The following FBLN2 variants were observed in gnomAD, a reference collection of about 807,000 sequenced individuals.
The protein encoded by FBLN2 is fibulin-2.
A neutral mutation model predicts 123.7 loss-of-function variants in FBLN2; 81 were observed. The ratio of observed to expected loss-of-function variants is 0.65; its 90% CI spans 0.55 to 0.79. The LOEUF (loss-of-function observed/expected upper bound fraction) is 0.79. Ranked by LOEUF, FBLN2 falls within the 30% of genes least tolerant of loss-of-function variation. The probability of loss-of-function intolerance (pLI) is 0.00; values close to 1 mark genes in which losing one functional copy is unlikely to be tolerated. For missense variants in FBLN2, 1,603 were observed against 1,681.3 expected (o/e 0.95, Z 0.81); for synonymous variants, 699 against 701.4 (o/e 1.00, Z 0.05).
intron 1 of FBLN2, among the ~76,000 whole-genome samples, chr3:13,558,404 C>T (rs1240421085): frequency 6.6e-6 from 1 of 152,126 alleles, no homozygotes; most frequent in Admixed American, 6.5e-5. Flanking sequence ...TCTAGGATCT[C>T]AGCCCTTTGT....
Position 13,626,573 on chromosome 3 carries a change from T to C in FBLN2, c.2425T>C (p.Cys809Arg). ...EPGYALKDGE[C>R]EDVDECAMGT... The stretch of plus-strand genomic sequence containing the variant: ...AGGCTATGCCCTCAAGGATGGCGAG[T>C]GCGAAGGTGAGAAGGGCCCAGAAGG... The change falls in exon 10 of 18, where the codon TGC becomes CGC. Residue 809 changes from cysteine (C) to arginine (R), a missense_variant. Physicochemically the swap from Cys to Arg is radical, Grantham distance 180. Transcript: ENST00000404922. 1 of 1,546,212 alleles carries C rather than the reference T, an allele frequency of 6.5e-7. No homozygotes were observed. Among genetic ancestry groups the C allele is most frequent in the South Asian group, 1.2e-5 (1 of 83,710 alleles).
intron 2 of FBLN2, among the ~76,000 whole-genome samples, chr3:13,577,584 AG>A (rs1704191889): frequency 6.6e-6 from 1 of 152,212 alleles, no homozygotes; most frequent in African/African-American, 2.4e-5. Context: ...ATCCCTGGCT[AG>A]GAGGAGTGGC....
chr3:13,619,675 G>T (rs1227747132), intron 7 of FBLN2, 55 bp from the exon 8 acceptor site: 1 of 1,479,170 alleles, frequency 6.8e-7, no homozygotes, highest in Non-Finnish European at 9.4e-7. Flanking sequence ...GAATGAGCCA[G>T]TGTGGACCAA....
chr3:13,565,643 A>C (rs558998376), intron 1 of FBLN2, among the ~76,000 whole-genome samples: 60 of 152,318 alleles, frequency 3.9e-4, no homozygotes, highest in Non-Finnish European at 7.2e-4. Context: ...TGATACGTAA[A>C]GCGTTCATCT....
intron 1 of FBLN2, among the ~76,000 whole-genome samples, chr3:13,551,776 G>A (rs1703329635): frequency 1.3e-5 from 2 of 151,864 alleles, no homozygotes; most frequent in African/African-American, 2.4e-5. Flanking sequence ...TCTTGACCTC[G>A]TGATCCGCCC....
chr3:13,595,993 T>C (rs1704828762), intron 2 of FBLN2, among the ~76,000 whole-genome samples: 1 of 152,212 alleles, frequency 6.6e-6, no homozygotes, highest in South Asian at 2.1e-4. Flanking sequence ...TGTATCTTTT[T>C]AGGAAGACAA....
intron 1 of FBLN2, among the ~76,000 whole-genome samples, chr3:13,550,628 T>G (rs1210149605): frequency 6.6e-6 from 1 of 152,118 alleles, no homozygotes; most frequent in Non-Finnish European, 1.5e-5. Context: ...GGAGCTGGTG[T>G]GTGTTTGTGG....
At chr3:13,560,231 C>A (rs2125035274) in intron 1 of FBLN2, among the ~76,000 whole-genome samples, 1 of 152,114 alleles carries the variant, frequency 6.6e-6, no homozygotes, top group East Asian at 1.9e-4. Context: ...TTATTCATTT[C>A]TTGTTTTTTC....
intron 2 of FBLN2, among the ~76,000 whole-genome samples, chr3:13,574,581 C>T (rs1704072384): frequency 6.6e-6 from 1 of 152,124 alleles, no homozygotes; most frequent in Non-Finnish European, 1.5e-5. Flanking sequence ...AAAGACAGGA[C>T]CCCCAGCCCA....
rs764308242 is a variant in FBLN2 at position 13,570,881 on chromosome 3, G to A, written c.526G>A (p.Gly176Ser). The change falls in exon 2 of 18, where the codon GGT (glycine) becomes AGT (serine). Residue 176 changes from glycine to serine, a missense_variant. Gly to Ser is a moderately conservative substitution (Grantham distance 56, BLOSUM62 0). Transcript: ENST00000404922. The part of the protein sequence containing the change: ...GGELICYQLP[G>S]CHGNFSDAEE... ...AGAGCTCATCTGCTACCAGCTCCCC[G>A]GTTGCCACGGGAACTTCTCAGATGC... 1.5e-5 allele frequency: 24 copies of A among 1,611,658 alleles called. No individual in the cohort carries two copies. The highest frequency in any genetic ancestry group is 6.7e-5 in the African/African-American group (5 of 74,904).
chr3:13,576,178 G>A (rs1704134624), intron 2 of FBLN2, among the ~76,000 whole-genome samples: 1 of 152,202 alleles, frequency 6.6e-6, no homozygotes, highest in South Asian at 2.1e-4. Flanking sequence ...GGGAGGACTT[G>A]GGAGATGGGA....
chr3:13,612,364 G>A (rs187882387), intron 4 of FBLN2, among the ~76,000 whole-genome samples: 803 of 73,554 alleles, frequency 0.011, 2 homozygotes, highest in Non-Finnish European at 0.013. Flanking sequence ...CTTTCTGTCT[G>A]TCTGTCTCTC....
rs77952883 is a variant in FBLN2, at chr3:13,559,140, C to G, written c.-42+9932C>G. Among the ~76,000 whole-genome samples the G allele has an allele frequency of 8.9e-3, 1,360 of 152,248 alleles. 19 individuals are homozygous for G. Among genetic ancestry groups the G allele is most frequent in the African/African-American group, 0.031 (1,299 of 41,520 alleles). ...CTTCAGCCAGGGGTCTGTGAGTGGA[C>G]TGCAGGGAGTCTATGAAACTCCCTC... On this transcript the variant is annotated intron_variant, in intron 1 of 17. Coordinates refer to ENST00000404922, the MANE Select transcript of FBLN2 (RefSeq NM_001004019.2).
intron 2 of FBLN2, among the ~76,000 whole-genome samples, chr3:13,597,897 A>G (rs1412534118): frequency 6.6e-6 from 1 of 152,222 alleles, no homozygotes; most frequent in East Asian, 1.9e-4. Context: ...TGTCACTGCC[A>G]ACCCCAGGAG....
In FBLN2 at chr3:13,629,936, C is replaced by T. The variant is rs1430997129; in HGVS notation, c.2959C>T (p.Arg987Cys). 1.8e-5 allele frequency: 29 copies of T among 1,610,076 alleles called. No individual in the cohort carries two copies. Among genetic ancestry groups the T allele is most frequent in the Non-Finnish European group, 2.3e-5 (27 of 1,178,920 alleles). ...SGFLLAADGKRCEDVNECEAQ... is the reference protein window; with the variant it reads ...SGFLLAADGKCCEDVNECEAQ... ...GTTCCTGCTAGCAGCGGACGGCAAG[C>T]GCTGTGAAGGTAGGCTGGCCCTCAT... Residue 987 changes from arginine (R) to cysteine (C), a missense_variant, in exon 14 of 18, where the codon CGC (arginine) becomes TGC (cysteine). Physicochemically the swap from Arg to Cys is radical, Grantham distance 180. Coordinates refer to ENST00000404922, the MANE Select transcript of FBLN2 (RefSeq NM_001004019.2).
intron 16 of FBLN2, among the ~76,000 whole-genome samples, chr3:13,632,266 T>G (rs57658346): frequency 2.7e-3 from 411 of 152,308 alleles, no homozygotes; most frequent in African/African-American, 9.5e-3. Flanking sequence ...TCTCGCTCCC[T>G]CGGCCCCTCG....
intron 2 of FBLN2, among the ~76,000 whole-genome samples, chr3:13,579,334 C>G (rs1704247578): frequency 6.6e-6 from 1 of 152,186 alleles, no homozygotes; most frequent in Non-Finnish European, 1.5e-5. Flanking sequence ...GTCATGTAGT[C>G]TCCAGAGAAG....
chr3:13,608,310 G>A, intron 3 of FBLN2, 137 bp downstream of exon 3: 2 of 654,794 alleles, frequency 3.1e-6, no homozygotes, highest in Non-Finnish European at 5.3e-6. Context: ...GTGATTGGGT[G>A]TGGCTGCCGT....
At chr3:13,567,747 C>A (rs914492407) in intron 1 of FBLN2, among the ~76,000 whole-genome samples, 1 of 152,036 alleles carries the variant, frequency 6.6e-6, no homozygotes, top group Non-Finnish European at 1.5e-5. Context: ...GCAGGAGGGT[C>A]GCTTGAGGTC....
Sources: allele counts gnomAD v4.1 joint callset (sites outside exome capture counted in the v4.1 genomes callset), GRCh38; gene constraint gnomAD v4.1.1; transcripts MANE v1.5; gene names NCBI Gene and HGNC (gene_info 2026-07-23, HGNC 2026-07-21).